Variants in TSPAN19 observed in about 807,000 individuals in gnomAD.
The protein encoded by TSPAN19 is tetraspanin 19.
In TSPAN19, 44 loss-of-function variants were observed where a neutral mutation model predicts 35.1. The ratio of observed to expected loss-of-function variants is 1.25; its 90% CI spans 0.98 to 1.61. The LOEUF is 1.61. Ranked by LOEUF, TSPAN19 falls within the 40% of genes most tolerant of loss-of-function variation. The pLI is 0.00. For missense variants in TSPAN19, 290 were observed against 280.0 expected, an observed-to-expected ratio of 1.04 and a Z score of -0.26; for synonymous variants, 79 against 92.0, an observed-to-expected ratio of 0.86 and a Z score of 0.81.
chr12:85,015,582 ACACG>A, intron 8 of TSPAN19: 2 of 185,328 alleles, frequency 1.1e-5, no homozygotes, highest in East Asian at 1.3e-4. Flanking sequence ...ACACACACAC[ACACG>A]TAAATATATC....
rs1317829559 is a variant in TSPAN19, at chr12:85,018,297, C to A, written c.451-698G>T. Among the ~76,000 whole-genome samples, 3 of 151,984 alleles carry A rather than the reference C, an allele frequency of 2.0e-5. No individual in the cohort carries two copies. In the East Asian group the frequency reaches 5.8e-4, roughly 29 times the overall value. ...TTTATGGAAAATGATAACATTAGTA[C>A]TGCCTATGTTTACAATATATACCAA... On this transcript the variant is annotated intron_variant, in intron 6 of 8. Coordinates refer to ENST00000532498, the MANE Select transcript of TSPAN19 (RefSeq NM_001100917.2).
At chr12:85,029,578 A>G in intron 3 of TSPAN19, 141 bp downstream of exon 3, 2 of 773,558 alleles carry the variant, frequency 2.6e-6, no homozygotes, top group Non-Finnish European at 4.1e-6. Flanking sequence ...AATCTCTACA[A>G]CTGATGAAGA....
In TSPAN19 at chr12:85,017,617, T is replaced by C. The variant is rs564841714; in HGVS notation, c.451-18A>G. ...CACTGTAACTAGGAAAAAGCTTATATGAATTTTACCATAAAATGTTCAAAA... is the reference window on the plus strand; with the variant it reads ...CACTGTAACTAGGAAAAAGCTTATACGAATTTTACCATAAAATGTTCAAAA... On this transcript the variant is annotated intron_variant, in intron 6 of 8. Coordinates refer to ENST00000532498, the MANE Select transcript of TSPAN19 (RefSeq NM_001100917.2). The C allele has an allele frequency of 6.6e-7, 1 of 1,521,842 alleles. No individual in the cohort carries two copies. Among genetic ancestry groups the C allele is most frequent in the South Asian group, 1.3e-5 (1 of 77,888 alleles). The allele number at this position is 1,521,842 out of a possible 1,614,324, so 94.3% of individuals were successfully genotyped here. A position where few individuals can be genotyped will look rare whatever the true frequency, so the allele number is the denominator to read the frequency against.
chr12:85,018,429 T>C (rs1308016728), intron 6 of TSPAN19, among the ~76,000 whole-genome samples: 1 of 151,914 alleles, frequency 6.6e-6, no homozygotes, highest in Non-Finnish European at 1.5e-5. Context: ...ATCTCAGTTA[T>C]ATTAATGGCT....
chr12:85,022,046 G>T (rs533756880), intron 5 of TSPAN19, among the ~76,000 whole-genome samples: 2 of 152,134 alleles, frequency 1.3e-5, no homozygotes, highest in South Asian at 4.1e-4. Flanking sequence ...AAATATGGGT[G>T]ACTGATAAAC....
Position 85,015,946 on chromosome 12 carries a change from C to T in TSPAN19, c.620G>A (p.Trp207Ter). The T allele has an allele frequency of 6.5e-7, 1 of 1,544,952 alleles. No homozygotes were observed. Residue 207 changes from tryptophan to a stop codon, truncating the protein, a stop_gained, in exon 8 of 9, where the codon TGG (tryptophan) becomes TAG (stop). Transcript: ENST00000532498. LOFTEE classifies it high-confidence loss of function. ...LEGCENKISAWYNVNVLTLIG... is the reference protein window; with the variant it reads ...LEGCENKISA The stretch of plus-strand genomic sequence containing the variant: ...TAAGGTTAACACATTAACATTATAC[C>T]ATGCACTGATTTTATTTTCACAACC...
chr12:85,030,784 C>A (rs568181006), intron 1 of TSPAN19, among the ~76,000 whole-genome samples: 48 of 152,114 alleles, frequency 3.2e-4, no homozygotes, highest in African/African-American at 1.1e-3. Context: ...ATACCTACTC[C>A]ATTGGTTTTT....
chr12:85,034,142 C>G (rs922893773), intron 1 of TSPAN19, among the ~76,000 whole-genome samples: 3 of 151,752 alleles, frequency 2.0e-5, no homozygotes, highest in African/African-American at 7.3e-5. Flanking sequence ...AATGAGAGGC[C>G]TAAGAATACA....
intron 8 of TSPAN19, chr12:85,015,363 C>A (rs1442471726): frequency 6.6e-6 from 1 of 151,946 alleles, no homozygotes; most frequent in Admixed American, 6.6e-5. Flanking sequence ...GTATATTCAA[C>A]ATCTAGTACA....
chr12:85,014,537 T>C lies in TSPAN19; in HGVS notation c.697A>G (p.Thr233Ala). The C allele has an allele frequency of 6.3e-7, 1 of 1,599,784 alleles. No homozygotes were observed. Among genetic ancestry groups the C allele is most frequent in the Non-Finnish European group, 8.5e-7 (1 of 1,172,264 alleles). ...LTSEVFQVSL[T>A]VCFFKNIKNI... The stretch of plus-strand genomic sequence containing the variant: ...TTGATGTTTTTGAAGAAACAAACTG[T>C]TAATGAGACTTGGAAAACCTGGAAG... The change falls in exon 9 of 9, where the codon ACA becomes GCA. Residue 233 changes from threonine to alanine, a missense_variant. By Grantham distance (58) the Thr-to-Ala change is moderately conservative. Transcript: ENST00000532498.
At chr12:85,014,593 T>G in intron 8 of TSPAN19, 38 bp from the exon 9 acceptor site, 1 of 1,468,858 alleles carries the variant, frequency 6.8e-7, no homozygotes, top group South Asian at 1.2e-5. Context: ...TAAAATTTAA[T>G]CAATGATAAG....
intron 1 of TSPAN19, among the ~76,000 whole-genome samples, chr12:85,033,269 T>C (rs17249756): frequency 0.064 from 9,784 of 152,056 alleles, 419 homozygotes; most frequent in Middle Eastern, 0.17. Context: ...GAGGCATGGA[T>C]CAGAGTGGCA....
chr12:85,033,732 T>C (rs1877788416), intron 1 of TSPAN19, among the ~76,000 whole-genome samples: 1 of 152,150 alleles, frequency 6.6e-6, no homozygotes, highest in Non-Finnish European at 1.5e-5. Flanking sequence ...ATGGCAGAGA[T>C]GAGATTTAAC....
chr12:85,030,799 C>A (rs2135816867), intron 1 of TSPAN19, among the ~76,000 whole-genome samples: 2 of 152,112 alleles, frequency 1.3e-5, no homozygotes, highest in Non-Finnish European at 2.9e-5. Context: ...GTTTTTGGTG[C>A]TGGTTTCATT....
intron 3 of TSPAN19, 60 bp from the exon 4 acceptor site, chr12:85,028,083 TTTA>T (rs1245804564): frequency 4.5e-6 from 6 of 1,339,458 alleles, no homozygotes; most frequent in Non-Finnish European, 5.0e-6. Context: ...TGGTATTTTA[TTTA>T]TTTTCTATTT....
Position 85,019,733 on chromosome 12 carries a change from G to C in TSPAN19, c.343C>G (p.Gln115Glu), listed in dbSNP as rs1443907259. Reference sequence around the variant, plus strand: ...TCAATTTTGTCATGCCATAGTTGCTGAACCTGTAGAAAATTGTATTAAAAA... The same window carrying C: ...TCAATTTTGTCATGCCATAGTTGCTCAACCTGTAGAAAATTGTATTAAAAA... ...AFIITKKEEV[Q>E]QLWHDKIDFV... The change falls in exon 6 of 9, where the codon CAG becomes GAG. Residue 115 changes from glutamine to glutamate, a missense_variant. Physicochemically the swap from Gln to Glu is conservative, Grantham distance 29. Coordinates refer to ENST00000532498, the MANE Select transcript of TSPAN19 (RefSeq NM_001100917.2). 1 of 1,567,680 alleles carries C rather than the reference G, an allele frequency of 6.4e-7. No individual in the cohort carries two copies. The highest frequency in any genetic ancestry group is 1.2e-5 in the South Asian group (1 of 85,666).
chr12:85,026,748 T>C (rs1429998892), intron 4 of TSPAN19, among the ~76,000 whole-genome samples: 1 of 152,022 alleles, frequency 6.6e-6, no homozygotes, highest in Non-Finnish European at 1.5e-5. Context: ...CTGATATGCC[T>C]GTATGGGTAA....
chr12:85,027,459 A>T (rs1877469797), intron 4 of TSPAN19, among the ~76,000 whole-genome samples: 1 of 152,202 alleles, frequency 6.6e-6, no homozygotes, highest in African/African-American at 2.4e-5. Context: ...TTATAAAAAA[A>T]TACATACATA....
At position 85,023,277 on chromosome 12, in the gene TSPAN19, T is replaced by C. The variant is rs369573770; in HGVS notation, c.339+49A>G. On this transcript the variant is annotated intron_variant, in intron 5 of 8. Transcript: ENST00000532498. ...CAATACTCTAAGGTATCCAATTTCC[T>C]TTAAACTTCAAATAACAGGATGTAT... 5.0e-5 allele frequency: 75 copies of C among 1,488,386 alleles called. No homozygotes were observed. In the East Asian group the frequency reaches 1.2e-3, roughly 23 times the overall value. The allele number at this position is 1,488,386 out of a possible 1,614,324, so 92.2% of individuals were successfully genotyped here.
Sources: gnomAD v4.1 joint callset for allele counts (sites outside exome capture counted in the v4.1 genomes callset) on GRCh38, gnomAD v4.1.1 for gene constraint, MANE v1.5 for transcripts, NCBI Gene and HGNC (gene_info 2026-07-23, HGNC 2026-07-21) for gene names.